Variants in SPSB3 observed in about 807,000 individuals in gnomAD.
SPSB3 encodes the protein splA/ryanodine receptor domain and SOCS box containing 3.
In SPSB3, 18 loss-of-function variants were observed where a neutral mutation model predicts 29.5. The observed-to-expected ratio is 0.61, with a 90% CI of 0.42 to 0.91. The LOEUF is 0.91. Among genes scored for constraint, SPSB3 ranks in the 40% least tolerant of loss-of-function variants. The pLI is 0.00. For missense variants in SPSB3, 540 were observed against 507.5 expected, an observed-to-expected ratio of 1.06 and a Z score of -0.61; for synonymous variants, 299 against 214.1, an observed-to-expected ratio of 1.40 and a Z score of -3.46.
chr16:1,776,809 A>G lies in SPSB3; in HGVS notation c.*288T>C. On this transcript the variant is annotated 3_prime_UTR_variant, in exon 7 of 7. Coordinates refer to ENST00000566339, the MANE Select transcript of SPSB3 (RefSeq NM_080861.4). ...ATGCAGAGCAAGTTAGGAAAAACCG[A>G]GGCCCTGTGGGAACAGCAACGCGGG... The G allele has an allele frequency of 2.0e-6, 1 of 500,488 alleles. No homozygotes were observed. The highest frequency in any genetic ancestry group is 2.9e-5 in the South Asian group (1 of 34,352). The allele number at this position is 500,488 out of a possible 1,614,324, so 31.0% of individuals were successfully genotyped here. A position where few individuals can be genotyped will look rare whatever the true frequency, so the allele number is the denominator to read the frequency against.
At position 1,778,445 on chromosome 16, in the gene SPSB3, C is replaced by T. The variant is rs369677526; in HGVS notation, c.294G>A (p.Glu98=). Residue 98 remains glutamate (E), a synonymous_variant, in exon 3 of 7, where the codon GAG becomes GAA. Transcript: ENST00000566339. ...AHRGRDCRCG[E]EDEYFDWVWD... ...GGGCCCCACGCTCACACTCGTCTTC[C>T]TCTCCGCAGCGGCAGTCCCTGCCCC... 26 of 1,609,596 alleles carry T rather than the reference C, an allele frequency of 1.6e-5. No homozygotes were observed. The African/African-American group carries it at 2.4e-4, about 15-fold the overall frequency.
At chr16:1,780,953 A>C in intron 2 of SPSB3, 1 of 351,500 alleles carries the variant, frequency 2.8e-6, no homozygotes, top group South Asian at 2.3e-5. Context: ...GGCAGGTCTC[A>C]AACTCCTGGG....
At position 1,778,056 on chromosome 16, in the gene SPSB3, C is replaced by T; in HGVS notation, c.493-8G>A. On this transcript the variant is annotated splice_polypyrimidine_tract_variant and splice_region_variant and intron_variant, in intron 4 of 6. Coordinates refer to ENST00000566339, the MANE Select transcript of SPSB3 (RefSeq NM_080861.4). The stretch of plus-strand genomic sequence containing the variant: ...CGTCCCGATGCCCACCATCTAGGAA[C>T]AGGGGCCAGGCAGAGGGCGCGGGGC... The T allele has an allele frequency of 1.2e-6, 2 of 1,613,164 alleles. No individual in the cohort carries two copies. Among genetic ancestry groups the T allele is most frequent in the African/African-American group, 1.3e-5 (1 of 75,040 alleles).
intron 2 of SPSB3, chr16:1,778,868 A>G (rs1179818171): frequency 2.7e-5 from 11 of 406,834 alleles, no homozygotes; most frequent in East Asian, 2.7e-4. Flanking sequence ...CTGGCCTCCA[A>G]GTGGTTTCTA....
chr16:1,778,090 C>T lies in SPSB3; in HGVS notation c.493-42G>A, dbSNP rs138713221. The T allele has an allele frequency of 7.9e-4, 1,281 of 1,612,882 alleles. 1 individual carries two copies. Among genetic ancestry groups the T allele is most frequent in the Middle Eastern group, 3.0e-3 (18 of 6,062 alleles). On this transcript the variant is annotated intron_variant, in intron 4 of 6. Transcript: ENST00000566339. The stretch of plus-strand genomic sequence containing the variant: ...GGCAGAGGGCGCGGGGCTGGGCTGC[C>T]GGAGCCAGGTTCCCCAGAAGCACCC...
Position 1,777,290 on chromosome 16 carries a change from G to A in SPSB3, c.875C>T (p.Ser292Leu), listed in dbSNP as rs201038536. The change falls in exon 7 of 7, where the codon TCG (serine) becomes TTG (leucine). Residue 292 changes from serine (S) to leucine (L), a missense_variant. By Grantham distance (145) the Ser-to-Leu change is moderately radical. Transcript: ENST00000566339. ...CHRLRQLRPD[S>L]GDTLEGLPLP... ...CGGCAGACCCTCCAGCGTGTCTCCC[G>A]AGTCTGGCCGCAGCTGGCGCAGGCG... The A allele has an allele frequency of 1.3e-5, 21 of 1,610,330 alleles. No homozygotes were observed. Among genetic ancestry groups the A allele is most frequent in the East Asian group, 4.5e-5 (2 of 44,878 alleles).
At position 1,782,269 on chromosome 16, in the gene SPSB3, C is replaced by G. The variant is rs1365106219; in HGVS notation, c.-13+233G>C. On this transcript the variant is annotated intron_variant, in intron 1 of 6. Coordinates refer to ENST00000566339, the MANE Select transcript of SPSB3 (RefSeq NM_080861.4). ...CCGGACCGCCGAACCCTGCCCAGCC[C>G]CAGGCGAGCGCGTGTGCAGCGGGAG... is the stretch of plus-strand genomic sequence containing the variant. 2.0e-5 allele frequency: 3 copies of G among 151,886 alleles called. No homozygotes were observed. The East Asian group carries it at 5.8e-4, about 29-fold the overall frequency. 9.4% of individuals were successfully genotyped at this position (151,886 alleles called of 1,614,324 possible).
chr16:1,776,817 T>G lies in SPSB3; in HGVS notation c.*280A>C. 1 of 513,084 alleles carries G rather than the reference T, an allele frequency of 1.9e-6. No individual in the cohort carries two copies. The highest frequency in any genetic ancestry group is 3.5e-6 in the Non-Finnish European group (1 of 289,386). 31.8% of individuals were successfully genotyped at this position (513,084 alleles called of 1,614,324 possible). A position where few individuals can be genotyped will look rare whatever the true frequency, so the allele number is the denominator to read the frequency against. ...CAAGTTAGGAAAAACCGAGGCCCTG[T>G]GGGAACAGCAACGCGGGCTCCAGCC... On this transcript the variant is annotated 3_prime_UTR_variant, in exon 7 of 7. Transcript: ENST00000566339.
At chr16:1,781,185 A>T (rs1323425679) in intron 2 of SPSB3, 173 bp downstream of exon 2, 1 of 1,540,236 alleles carries the variant, frequency 6.5e-7, no homozygotes, top group Non-Finnish European at 8.7e-7. Context: ...CAAATTAAAG[A>T]GTCTTACTGA....
rs762315285 is a variant in SPSB3, at chr16:1,777,334, G to A, written c.831C>T (p.Leu277=). 1.9e-6 allele frequency: 3 copies of A among 1,608,626 alleles called. No homozygotes were observed. The highest frequency in any genetic ancestry group is 2.5e-6 in the Non-Finnish European group (3 of 1,179,284). Residue 277 remains leucine (L), a synonymous_variant, in exon 7 of 7, where the codon CTC becomes CTT. Transcript: ENST00000566339. The part of the protein sequence containing the change: ...VTRSCASATS[L]QYLCCHRLRQ... ...GCAGGCGGTGGCAGCACAGGTACTG[G>A]AGGGAAGTGGCGCTGGCACAGGAGC... is the stretch of plus-strand genomic sequence containing the variant.
At chr16:1,780,505 GACAA>G (rs1034036357) in intron 2 of SPSB3, 1 of 152,520 alleles carries the variant, frequency 6.6e-6, no homozygotes, top group African/African-American at 2.4e-5. Flanking sequence ...GCTGCAGACA[GACAA>G]ACACCTGAGC....
chr16:1,777,534 G>C (rs568813648), intron 6 of SPSB3, 91 bp from the exon 7 acceptor site: 1 of 1,387,584 alleles, frequency 7.2e-7, no homozygotes, highest in Admixed American at 2.7e-5. Context: ...AGTCACCCGG[G>C]TGGGCAGCTG....
Position 1,776,894 on chromosome 16 carries a change from T to C in SPSB3, c.*203A>G. The C allele has an allele frequency of 3.2e-6, 2 of 626,090 alleles. No individual in the cohort carries two copies. The highest frequency in any genetic ancestry group is 5.4e-6 in the Non-Finnish European group (2 of 372,496). The allele number at this position is 626,090 out of a possible 1,614,324, so 38.8% of individuals were successfully genotyped here. A position where few individuals can be genotyped will look rare whatever the true frequency, so the allele number is the denominator to read the frequency against. ...AAGACCTGGGGCTCAGGGCAGCCGC[T>C]TCCCCACCCAGCACAGCAGCAGAGG... is the stretch of plus-strand genomic sequence containing the variant. On this transcript the variant is annotated 3_prime_UTR_variant, in exon 7 of 7. Transcript: ENST00000566339.
In SPSB3 at chr16:1,777,197, C is replaced by G; in HGVS notation, c.968G>C (p.Arg323Pro). 1 of 1,610,392 alleles carries G rather than the reference C, an allele frequency of 6.2e-7. No homozygotes were observed. The highest frequency in any genetic ancestry group is 8.5e-7 in the Non-Finnish European group (1 of 1,179,828). Reference protein sequence around the residue: ...LGWVLSMSCSRRKAPVSDPQA... With the variant: ...LGWVLSMSCSPRKAPVSDPQA... ...GGGATCGGACACTGGAGCCTTGCGGCGGCTGCAACTCATGCTCAGGACCCA... is the reference window on the plus strand; with the variant it reads ...GGGATCGGACACTGGAGCCTTGCGGGGGCTGCAACTCATGCTCAGGACCCA... The change falls in exon 7 of 7, where the codon CGC (arginine) becomes CCC (proline). Residue 323 changes from arginine (R) to proline (P), a missense_variant. Transcript: ENST00000566339.
Position 1,776,919 on chromosome 16 carries a change from G to T in SPSB3, c.*178C>A, listed in dbSNP as rs762528369. 60 of 705,620 alleles carry T rather than the reference G, an allele frequency of 8.5e-5. No homozygotes were observed. The highest frequency in any genetic ancestry group is 1.3e-4 in the Non-Finnish European group (56 of 436,412). 43.7% of individuals were successfully genotyped at this position (705,620 alleles called of 1,614,324 possible). A position where few individuals can be genotyped will look rare whatever the true frequency, so the allele number is the denominator to read the frequency against. On this transcript the variant is annotated 3_prime_UTR_variant, in exon 7 of 7. Coordinates refer to ENST00000566339, the MANE Select transcript of SPSB3 (RefSeq NM_080861.4). ...TTCCCCACCCAGCACAGCAGCAGAG[G>T]GGCCCTAGAGCCCCCACAGAAAGGA...
At chr16:1,779,285 A>G (rs544313936) in intron 2 of SPSB3, 8 of 152,440 alleles carry the variant, frequency 5.2e-5, no homozygotes, top group African/African-American at 1.7e-4. Context: ...TGCCCCTCCC[A>G]GCCTCCTCCC....
Position 1,777,266 on chromosome 16 carries a change from G to A in SPSB3, c.899C>T (p.Pro300Leu), listed in dbSNP as rs776066564. The A allele has an allele frequency of 8.1e-6, 13 of 1,610,588 alleles. No homozygotes were observed. Among genetic ancestry groups the A allele is most frequent in the South Asian group, 2.2e-5 (2 of 91,080 alleles). The change falls in exon 7 of 7, where the codon CCG becomes CTG. Residue 300 changes from proline (P) to leucine (L), a missense_variant. Coordinates refer to ENST00000566339, the MANE Select transcript of SPSB3 (RefSeq NM_080861.4). The part of the protein sequence containing the change: ...PDSGDTLEGL[P>L]LPPGLKQVLH... Reference sequence around the variant, plus strand: ...CACCTGCTTGAGGCCCGGCGGCAGCGGCAGACCCTCCAGCGTGTCTCCCGA... The same window carrying A: ...CACCTGCTTGAGGCCCGGCGGCAGCAGCAGACCCTCCAGCGTGTCTCCCGA...
chr16:1,780,912 T>C (rs888273057), intron 2 of SPSB3: 3 of 332,016 alleles, frequency 9.0e-6, no homozygotes, highest in African/African-American at 6.5e-5. Flanking sequence ...TTTTAAATTT[T>C]TGTAGAGACA....
chr16:1,781,912 C>T (rs551850971), intron 1 of SPSB3: 7 of 209,078 alleles, frequency 3.3e-5, no homozygotes, highest in South Asian at 1.2e-4. Context: ...TCCCCTCACG[C>T]CCGGCCCGAC....
Sources: allele counts gnomAD v4.1 joint callset, GRCh38; gene constraint gnomAD v4.1.1; transcripts MANE v1.5; gene names NCBI Gene and HGNC (gene_info 2026-07-23, HGNC 2026-07-21).